The following SGCG variants were observed in gnomAD, a reference collection of about 807,000 sequenced individuals.
SGCG encodes the protein sarcoglycan gamma.
In SGCG, 26 loss-of-function variants were observed where a neutral mutation model predicts 29.3. The observed-to-expected ratio is 0.89, with a 90% CI of 0.65 to 1.23. SGCG has a LOEUF of 1.23. Ranked by LOEUF, SGCG falls within the 50% of genes most tolerant of loss-of-function variation. SGCG has a pLI of 0.00. For synonymous variants in SGCG, 145 were observed against 129.7 expected, an observed-to-expected ratio of 1.12 and a Z score of -0.80; for missense variants, 353 against 356.0, an observed-to-expected ratio of 0.99 and a Z score of 0.07.
intron 1 of SGCG, among the ~76,000 whole-genome samples, chr13:23,192,216 C>T (rs1439288666): frequency 6.6e-6 from 1 of 151,696 alleles, no homozygotes; most frequent in African/African-American, 2.4e-5. Context: ...GCCTATGAAT[C>T]ATGGCATATG....
intron 3 of SGCG, among the ~76,000 whole-genome samples, chr13:23,248,045 CGGGT>C (rs1879787512): frequency 6.6e-6 from 1 of 150,380 alleles, no homozygotes; most frequent in South Asian, 2.1e-4. Flanking sequence ...AAGGCCAAAG[CGGGT>C]GGATCACTTG....
the SGCG span, among the ~76,000 whole-genome samples, chr13:23,173,805 T>G: frequency 1.3e-5 from 2 of 152,188 alleles, no homozygotes; most frequent in African/African-American, 4.8e-5. Flanking sequence ...AAATGTCAGA[T>G]GAATGTAAAA....
chr13:23,289,574 C>T (rs1887753), intron 5 of SGCG, among the ~76,000 whole-genome samples: 33,438 of 152,014 alleles, frequency 0.22, 3,889 homozygotes, highest in East Asian at 0.36. Context: ...TTGTATGTGG[C>T]GTTTGGCTGG....
the SGCG span, among the ~76,000 whole-genome samples, chr13:23,167,743 T>C: frequency 6.8e-6 from 1 of 146,448 alleles, no homozygotes; most frequent in Non-Finnish European, 1.5e-5. Flanking sequence ...TTTTTTTTTT[T>C]CTTTTTGAGA....
At chr13:23,256,059 T>C in intron 4 of SGCG, among the ~76,000 whole-genome samples, 1 of 152,164 alleles carries the variant, frequency 6.6e-6, no homozygotes, top group East Asian at 1.9e-4. Flanking sequence ...AAAGTACCCA[T>C]AGCCAAAGCT....
chr13:23,179,787 T>A (rs1248181593), upstream of SGCG, among the ~76,000 whole-genome samples: 2 of 152,168 alleles, frequency 1.3e-5, no homozygotes, highest in Non-Finnish European at 2.9e-5. Context: ...TGGTAGAGTA[T>A]AAATAAGCAG....
At chr13:23,293,454 T>C (rs1034471136) in intron 5 of SGCG, among the ~76,000 whole-genome samples, 12 of 152,222 alleles carry the variant, frequency 7.9e-5, no homozygotes, top group Non-Finnish European at 1.8e-4. Flanking sequence ...CATATTTAAA[T>C]AAAATTACTA....
intron 6 of SGCG, among the ~76,000 whole-genome samples, chr13:23,299,152 C>A (rs2137651089): frequency 6.6e-6 from 1 of 151,984 alleles, no homozygotes; most frequent in Non-Finnish European, 1.5e-5. Context: ...AAAAAGGTAG[C>A]CACTCATAAT....
chr13:23,178,540 A>G (rs1415131), upstream of SGCG, among the ~76,000 whole-genome samples: 12,068 of 152,292 alleles, frequency 0.079, 585 homozygotes, highest in East Asian at 0.16. Context: ...TTATAACGTC[A>G]TGAGAACTAT....
chr13:23,321,361 T>C (rs1243176306), intron 7 of SGCG, among the ~76,000 whole-genome samples: 3 of 152,154 alleles, frequency 2.0e-5, no homozygotes, highest in African/African-American at 7.2e-5. Flanking sequence ...GTATACACTA[T>C]CTGTTTTCCT....
rs1882043809 is a variant in SGCG, at chr13:23,299,433, TATATATA to T, written c.578+3947_578+3953del. Among the ~76,000 whole-genome samples, 29 of 30,752 alleles carry T rather than the reference TATATATA, an allele frequency of 9.4e-4. 1 individual carries two copies. The highest frequency in any genetic ancestry group is 1.6e-3 in the African/African-American group (15 of 9,528). 20.2% of individuals were successfully genotyped at this position (30,752 alleles called of 152,430 possible). ...ATATATATATATATATATATATATA[TATATATA>T]TATATATATATATATATTTTTTTTT... On this transcript the variant is annotated intron_variant, in intron 6 of 7. Transcript: ENST00000218867.
intron 3 of SGCG, chr13:23,247,077 G>T: frequency 5.9e-6 from 1 of 169,674 alleles, no homozygotes; most frequent in East Asian, 1.5e-4. Context: ...TGCCCACCCA[G>T]GCCTGGCCCT....
At chr13:23,180,569 C>G (rs998402036), upstream of SGCG, among the ~76,000 whole-genome samples, 1 of 152,170 alleles carries the variant, frequency 6.6e-6, no homozygotes, top group Non-Finnish European at 1.5e-5. Context: ...CAAGTTCTAA[C>G]TTGCATGTTA....
chr13:23,308,739 A>AT (rs1882444213), intron 6 of SGCG, among the ~76,000 whole-genome samples: 1 of 151,862 alleles, frequency 6.6e-6, no homozygotes, highest in Non-Finnish European at 1.5e-5. Flanking sequence ...TAATTTTTGT[A>AT]TTTTTGTAGA....
At chr13:23,323,111 G>A (rs563997077) in intron 7 of SGCG, among the ~76,000 whole-genome samples, 340 of 152,236 alleles carry the variant, frequency 2.2e-3, no homozygotes, top group Non-Finnish European at 3.5e-3. Context: ...GAGTGTGTGG[G>A]CAGGACCCAT....
At chr13:23,270,945 G>A (rs927920586) in intron 4 of SGCG, among the ~76,000 whole-genome samples, 1 of 152,170 alleles carries the variant, frequency 6.6e-6, no homozygotes, top group Non-Finnish European at 1.5e-5. Flanking sequence ...CCTTAGGCCA[G>A]GTGCAGCGGC....
intron 4 of SGCG, among the ~76,000 whole-genome samples, chr13:23,255,251 A>T (rs1188885079): frequency 6.6e-6 from 1 of 152,194 alleles, no homozygotes; most frequent in Admixed American, 6.5e-5. Flanking sequence ...GGTGCTGGTC[A>T]CCTTGAGGTG....
At chr13:23,263,248 A>G (rs545604389) in intron 4 of SGCG, among the ~76,000 whole-genome samples, 2 of 152,170 alleles carry the variant, frequency 1.3e-5, no homozygotes, top group East Asian at 3.9e-4. Context: ...AATCAAGAAA[A>G]GAAGAGAGAA....
the SGCG span, among the ~76,000 whole-genome samples, chr13:23,169,059 A>AT: frequency 6.6e-6 from 1 of 151,446 alleles, no homozygotes; most frequent in Admixed American, 6.6e-5. Flanking sequence ...ATATAAATAT[A>AT]TTTTTTAAAT....
Sources: gnomAD v4.1 joint callset for allele counts (sites outside exome capture counted in the v4.1 genomes callset) on GRCh38, gnomAD v4.1.1 for gene constraint, MANE v1.5 for transcripts, NCBI Gene and HGNC (gene_info 2026-07-23, HGNC 2026-07-21) for gene names.